Variants in SLC4A8 observed in about 807,000 individuals in gnomAD.
SLC4A8 encodes the protein solute carrier family 4 member 8, also known as electroneutral sodium bicarbonate exchanger 1.
A neutral mutation model predicts 125.0 loss-of-function variants in SLC4A8; 40 were observed. That is an observed-to-expected ratio of 0.32 (90% CI 0.25 to 0.42). The LOEUF (loss-of-function observed/expected upper bound fraction) is 0.42, where lower values mean the gene tolerates loss of function less well. SLC4A8 is among the 10% of genes least tolerant of loss of function. The pLI, the probability that SLC4A8 is intolerant of heterozygous loss-of-function variation, is 1.00. For missense variants in SLC4A8, 863 were observed against 1,355.1 expected, an observed-to-expected ratio of 0.64 and a Z score of 5.70; for synonymous variants, 456 against 476.0, an observed-to-expected ratio of 0.96 and a Z score of 0.55.
chr12:51,431,202 C>T (rs1438204633), intron 1 of SLC4A8, among the ~76,000 whole-genome samples: 1 of 152,202 alleles, frequency 6.6e-6, no homozygotes, highest in Non-Finnish European at 1.5e-5. Flanking sequence ...TCTTCTGTCT[C>T]TCTCTTTCAC....
intron 2 of SLC4A8, among the ~76,000 whole-genome samples, chr12:51,447,052 G>GTCTATCTC (rs386363007): frequency 6.7e-6 from 1 of 149,250 alleles, no homozygotes; most frequent in East Asian, 2.0e-4. Flanking sequence ...CTGTCTGTCT[G>GTCTATCTC]TCTGTCTATC....
At chr12:51,429,761 G>C (rs1318575817) in intron 1 of SLC4A8, among the ~76,000 whole-genome samples, 3 of 151,586 alleles carry the variant, frequency 2.0e-5, no homozygotes, top group Non-Finnish European at 4.4e-5. Context: ...CTCACCCCTC[G>C]GCCTCCTGAA....
Position 51,463,320 on chromosome 12 carries a change from G to A in SLC4A8, c.1249-294G>A, listed in dbSNP as rs1437173796. ...AGGCAGATATGAAACTGGAACTTAGGTCATATCTAATGCCAAAGCCCCATT... is the reference window on the plus strand; with the variant it reads ...AGGCAGATATGAAACTGGAACTTAGATCATATCTAATGCCAAAGCCCCATT... On this transcript the variant is annotated intron_variant, in intron 10 of 24. Transcript: ENST00000453097. Among the ~76,000 whole-genome samples the A allele has an allele frequency of 2.6e-5, 4 of 152,056 alleles. No individual in the cohort carries two copies. The East Asian group carries it at 7.7e-4, about 29-fold the overall frequency.
intron 16 of SLC4A8, among the ~76,000 whole-genome samples, chr12:51,484,178 G>C (rs766014601): frequency 2.6e-5 from 4 of 152,156 alleles, no homozygotes; most frequent in Non-Finnish European, 5.9e-5. Context: ...CACATTCTTA[G>C]ACTTCAGTGA....
At chr12:51,479,822 T>C (rs532540913) in intron 16 of SLC4A8, among the ~76,000 whole-genome samples, 4 of 152,216 alleles carry the variant, frequency 2.6e-5, no homozygotes, top group Admixed American at 2.0e-4. Flanking sequence ...TTATAGGCTA[T>C]ATGTTACTTA....
At chr12:51,422,849 C>T (rs192403097), upstream of SLC4A8, among the ~76,000 whole-genome samples, 367 of 152,276 alleles carry the variant, frequency 2.4e-3, 1 homozygote, top group African/African-American at 8.3e-3. Context: ...AGACTTAGCT[C>T]GAATCCATGT....
intron 13 of SLC4A8, 150 bp downstream of exon 13, chr12:51,470,675 G>C: frequency 1.4e-6 from 1 of 690,478 alleles, no homozygotes; most frequent in Non-Finnish European, 2.4e-6. Flanking sequence ...CTGTTGTCCT[G>C]CCCCCGGGTA....
At chr12:51,499,071 C>T (rs1318821262) in intron 22 of SLC4A8, among the ~76,000 whole-genome samples, 1 of 151,752 alleles carries the variant, frequency 6.6e-6, no homozygotes, top group African/African-American at 2.4e-5. Flanking sequence ...ATCCCAGCTA[C>T]TCAGGAGGCT....
At chr12:51,474,024 A>C (rs2138321994) in intron 14 of SLC4A8, among the ~76,000 whole-genome samples, 1 of 21,210 alleles carries the variant, frequency 4.7e-5, no homozygotes, top group Admixed American at 3.5e-4. Flanking sequence ...TCGGGCAAAA[A>C]CAAAAAAACA....
intron 16 of SLC4A8, among the ~76,000 whole-genome samples, chr12:51,481,647 G>A (rs542034476): frequency 6.6e-6 from 1 of 152,178 alleles, no homozygotes; most frequent in East Asian, 1.9e-4. Context: ...CCTAGGTTAT[G>A]AAACAAGGTT....
Position 51,470,388 on chromosome 12 carries a change from TCA to T in SLC4A8, c.1525-3_1525-2del, listed in dbSNP as rs747825603. 3.1e-6 allele frequency: 5 copies of T among 1,613,768 alleles called. No homozygotes were observed. The highest frequency in any genetic ancestry group is 4.2e-6 in the Non-Finnish European group (5 of 1,179,806). ...GACTCAGTGATGACTTTTTTTCCTC[TCA>T]GAGTGCAATTGAATCCTTGTTTGGA... On this transcript the variant is annotated splice_acceptor_variant and splice_polypyrimidine_tract_variant and intron_variant, in intron 12 of 24. Transcript: ENST00000453097. LOFTEE classifies it high-confidence loss of function.
At position 51,425,255 on chromosome 12, in the gene SLC4A8, T is replaced by C. The variant is rs527268575; in HGVS notation, c.48+220T>C. ...TGGGCCGAACCTGGGATCTGGCCCATCTCTGCCGCATCCCTTGCGCCGCCC... is the reference window on the plus strand; with the variant it reads ...TGGGCCGAACCTGGGATCTGGCCCACCTCTGCCGCATCCCTTGCGCCGCCC... On this transcript the variant is annotated intron_variant, in intron 1 of 24. Transcript: ENST00000453097. 5.5e-5 allele frequency: 74 copies of C among 1,345,902 alleles called. No individual in the cohort carries two copies. The African/African-American group carries it at 1.0e-3, about 18-fold the overall frequency. 83.4% of individuals were successfully genotyped at this position (1,345,902 alleles called of 1,614,324 possible). A position where few individuals can be genotyped will look rare whatever the true frequency, so the allele number is the denominator to read the frequency against.
chr12:51,469,748 C>A lies in SLC4A8; in HGVS notation c.1484C>A (p.Thr495Asn). 6.2e-7 allele frequency: 1 copy of A among 1,614,078 alleles called. No homozygotes were observed. The highest frequency in any genetic ancestry group is 8.5e-7 in the Non-Finnish European group (1 of 1,180,016). ...LYCACMSPVI[T>N]FGGLLGEATE... The stretch of plus-strand genomic sequence containing the variant: ...TGTGCCTGCATGTCACCTGTCATCA[C>A]CTTTGGGGGACTGCTTGGAGAAGCC... The change falls in exon 12 of 25, where the codon ACC (threonine) becomes AAC (asparagine). Residue 495 changes from threonine to asparagine, a missense_variant. Physicochemically the swap from Thr to Asn is moderately conservative, Grantham distance 65 (BLOSUM62 0). Coordinates refer to ENST00000453097, the MANE Select transcript of SLC4A8 (RefSeq NM_001039960.3).
chr12:51,397,216 C>T (rs1948281972), intron 1 of SLC4A8, among the ~76,000 whole-genome samples: 1 of 152,152 alleles, frequency 6.6e-6, no homozygotes, highest in African/African-American at 2.4e-5. Flanking sequence ...GCGTGAGCCA[C>T]CACGCCCGGT....
At chr12:51,499,830 A>G (rs1237465056) in intron 22 of SLC4A8, among the ~76,000 whole-genome samples, 2 of 152,182 alleles carry the variant, frequency 1.3e-5, no homozygotes, top group East Asian at 1.9e-4. Context: ...GCAGGGGTAC[A>G]GAAAATGCAA....
At chr12:51,422,240 C>G (rs1173821895), upstream of SLC4A8, 1 of 152,226 alleles carries the variant, frequency 6.6e-6, no homozygotes, top group Admixed American at 6.5e-5. Context: ...ATTTATACCA[C>G]TAAACCCAGG....
At chr12:51,460,226 C>T (rs1950281517) in intron 8 of SLC4A8, 118 bp downstream of exon 8, 1 of 909,328 alleles carries the variant, frequency 1.1e-6, no homozygotes, top group South Asian at 1.4e-5. Context: ...ATGGTGTTTA[C>T]AATTCAGCAG....
rs1938404070 is a variant in SLC4A8 at position 51,512,613 on chromosome 12, G to A, written c.*5175G>A. 2.0e-5 allele frequency: 3 copies of A among 152,326 alleles called. No homozygotes were observed. The highest frequency in any genetic ancestry group is 2.0e-4 in the Admixed American group (3 of 15,254). The allele number at this position is 152,326 out of a possible 1,614,324, so 9.4% of individuals were successfully genotyped here. On this transcript the variant is annotated 3_prime_UTR_variant, in exon 25 of 25. Coordinates refer to ENST00000453097, the MANE Select transcript of SLC4A8 (RefSeq NM_001039960.3). ...GGGCAGTGTTTGGGGTAGGAAATGA[G>A]TAGTGGTGAAGCAGCAGCAGTGTGT...
chr12:51,451,113 G>T, intron 3 of SLC4A8, 91 bp downstream of exon 3: 1 of 1,100,450 alleles, frequency 9.1e-7, no homozygotes, highest in South Asian at 2.7e-5. Flanking sequence ...AGCTGGTCTT[G>T]ATTCTTGAGC....
Sources: gnomAD v4.1 joint callset for allele counts (sites outside exome capture counted in the v4.1 genomes callset) on GRCh38, gnomAD v4.1.1 for gene constraint, MANE v1.5 for transcripts, NCBI Gene and HGNC (gene_info 2026-07-23, HGNC 2026-07-21) for gene names.